USP46: variants seen among roughly 807,000 people sequenced by gnomAD.
USP46 encodes the protein ubiquitin specific peptidase 46.
In USP46, 12 loss-of-function variants were observed where a neutral mutation model predicts 44.4. That is an observed-to-expected ratio of 0.27 (90% CI 0.17 to 0.44). USP46 has a LOEUF of 0.44. Ranked by LOEUF, USP46 falls within the 20% of genes least tolerant of loss-of-function variation. The probability of loss-of-function intolerance (pLI) is 1.00; values close to 1 mark genes in which losing one functional copy is unlikely to be tolerated. For missense variants in USP46, 248 were observed against 444.8 expected (o/e 0.56, Z 3.98); for synonymous variants, 155 against 161.5 (o/e 0.96, Z 0.31).
At chr4:52,652,570 G>A (rs1718805730) in intron 1 of USP46, among the ~76,000 whole-genome samples, 2 of 152,098 alleles carry the variant, frequency 1.3e-5, no homozygotes, top group Non-Finnish European at 2.9e-5. Context: ...AATAAACTAG[G>A]ATTATGTGTC....
intron 4 of USP46, among the ~76,000 whole-genome samples, chr4:52,611,760 T>C (rs1716939896): frequency 6.6e-6 from 1 of 152,060 alleles, no homozygotes; most frequent in Non-Finnish European, 1.5e-5. Context: ...TGGTAGCACA[T>C]GCCTGTAAAA....
intron 5 of USP46, among the ~76,000 whole-genome samples, chr4:52,609,376 A>G (rs904102419): frequency 1.3e-5 from 2 of 152,232 alleles, no homozygotes; most frequent in East Asian, 1.9e-4. Flanking sequence ...AAGAAAATTC[A>G]TAATTCTAGT....
chr4:52,657,155 A>C lies in USP46; in HGVS notation c.36+1960T>G, dbSNP rs139867203. On this transcript the variant is annotated intron_variant, in intron 1 of 8. Transcript: ENST00000441222. Reference sequence around the variant, plus strand: ...GTCTAAATACAACATCAGACTCCTTACTTAATGAATTACTGGTTCCTCACT... The same window carrying C: ...GTCTAAATACAACATCAGACTCCTTCCTTAATGAATTACTGGTTCCTCACT... 1.9e-3 allele frequency among the ~76,000 whole-genome samples: 281 copies of C among 151,834 alleles called. 1 individual carries two copies. The highest frequency in any genetic ancestry group is 6.3e-3 in the African/African-American group (261 of 41,374).
chr4:52,642,888 A>G (rs1450920172), intron 1 of USP46, among the ~76,000 whole-genome samples: 2 of 152,240 alleles, frequency 1.3e-5, no homozygotes, highest in Non-Finnish European at 2.9e-5. Context: ...TTTACTAAAT[A>G]CTTGGATAGA....
intron 1 of USP46, chr4:52,656,258 G>A (rs1267536961): frequency 3.9e-6 from 6 of 1,547,800 alleles, no homozygotes; most frequent in East Asian, 2.4e-5. Flanking sequence ...GGCCCACAGA[G>A]GAGCTAAGCA....
At chr4:52,608,755 G>A (rs1046806408) in intron 5 of USP46, among the ~76,000 whole-genome samples, 1 of 152,170 alleles carries the variant, frequency 6.6e-6, no homozygotes, top group Admixed American at 6.5e-5. Context: ...TGTGCTGCCA[G>A]GGCAGAGAGC....
chr4:52,611,710 A>C (rs539806597), intron 4 of USP46, among the ~76,000 whole-genome samples: 161 of 152,214 alleles, frequency 1.1e-3, no homozygotes, highest in Non-Finnish European at 1.7e-3. Context: ...AACATGGTGA[A>C]ACTCCGTCTC....
intron 1 of USP46, among the ~76,000 whole-genome samples, chr4:52,641,972 A>G (rs180897942): frequency 2.5e-4 from 38 of 152,316 alleles, no homozygotes; most frequent in African/African-American, 8.7e-4. Flanking sequence ...CTATCGTTCA[A>G]AAGGCTACTC....
rs151077119 is a variant in USP46 at position 52,601,765 on chromosome 4, C to T, written c.920+92G>A. 60 of 1,350,508 alleles carry T rather than the reference C, an allele frequency of 4.4e-5. No individual in the cohort carries two copies. The African/African-American group carries it at 7.5e-4, about 17-fold the overall frequency. The allele number at this position is 1,350,508 out of a possible 1,614,324, so 83.7% of individuals were successfully genotyped here. ...GCAGAGATCCCAAAACTATTGAGTG[C>T]CACGGCCCAGGAAAGGTGCAGCTGG... is the stretch of plus-strand genomic sequence containing the variant. On this transcript the variant is annotated intron_variant, in intron 7 of 8. Transcript: ENST00000441222.
At chr4:52,610,667 T>G in intron 4 of USP46, 50 bp from the exon 5 acceptor site, 3 of 1,569,334 alleles carry the variant, frequency 1.9e-6, no homozygotes, top group Non-Finnish European at 2.6e-6. Context: ...ATGTAGTAGA[T>G]AAAACTTTGA....
At chr4:52,628,682 C>T (rs1461316944) in intron 2 of USP46, among the ~76,000 whole-genome samples, 1 of 152,210 alleles carries the variant, frequency 6.6e-6, no homozygotes, top group African/African-American at 2.4e-5. Context: ...TATTCCAGTA[C>T]TCCTGCCCAC....
chr4:52,639,245 T>G (rs1044828741), intron 1 of USP46, among the ~76,000 whole-genome samples: 3 of 152,190 alleles, frequency 2.0e-5, no homozygotes, highest in Admixed American at 2.0e-4. Flanking sequence ...CTACTATATT[T>G]TCACAGAAGT....
rs1245032128 is a variant in USP46, at chr4:52,596,521, T to TC, written c.*1118dup. 1.3e-5 allele frequency: 2 copies of TC among 152,194 alleles called. No homozygotes were observed. The highest frequency in any genetic ancestry group is 2.9e-5 in the Non-Finnish European group (2 of 68,064). 9.4% of individuals were successfully genotyped at this position (152,194 alleles called of 1,614,324 possible). ...GAAACAGCGCCATTTTGTTCATTCC[T>TC]CCCCCTGCCCACGGACACTTCCTTT... On this transcript the variant is annotated 3_prime_UTR_variant, in exon 9 of 9. Transcript: ENST00000441222.
intron 4 of USP46, 71 bp downstream of exon 4, chr4:52,625,947 T>C: frequency 7.2e-7 from 1 of 1,384,758 alleles, no homozygotes; most frequent in Non-Finnish European, 1.0e-6. Flanking sequence ...AATACGACAT[T>C]GCAATCACAT....
intron 6 of USP46, among the ~76,000 whole-genome samples, chr4:52,602,851 T>C (rs1248779388): frequency 1.4e-5 from 2 of 145,998 alleles, no homozygotes; most frequent in Non-Finnish European, 2.9e-5. Flanking sequence ...TATATAAACA[T>C]AGAAAAGTTT....
chr4:52,597,771 AT>A (rs753313980), intron 8 of USP46, 30 bp from the exon 9 acceptor site: 10 of 1,427,562 alleles, frequency 7.0e-6, no homozygotes, highest in Non-Finnish European at 9.6e-6. Context: ...AAACAACACA[AT>A]TACTTAACAT....
At chr4:52,647,458 T>G (rs1490420035) in intron 1 of USP46, among the ~76,000 whole-genome samples, 1 of 152,224 alleles carries the variant, frequency 6.6e-6, no homozygotes, top group African/African-American at 2.4e-5. Context: ...CTTAAAAATT[T>G]AGAAAAGAAA....
At chr4:52,606,490 T>G (rs1402725847) in intron 5 of USP46, among the ~76,000 whole-genome samples, 1 of 152,084 alleles carries the variant, frequency 6.6e-6, no homozygotes, top group African/African-American at 2.4e-5. Flanking sequence ...AGACAGCAGG[T>G]GCAGGGGAAC....
chr4:52,632,394 A>G (rs765160073), intron 1 of USP46, among the ~76,000 whole-genome samples: 2 of 152,206 alleles, frequency 1.3e-5, no homozygotes, highest in Non-Finnish European at 2.9e-5. Flanking sequence ...AGCAAGTAAA[A>G]TAAGGCTCCA....
Sources: allele counts gnomAD v4.1 joint callset (sites outside exome capture counted in the v4.1 genomes callset), GRCh38; gene constraint gnomAD v4.1.1; transcripts MANE v1.5; gene names NCBI Gene and HGNC (gene_info 2026-07-23, HGNC 2026-07-21).